TNS3: variants seen among roughly 807,000 people sequenced by gnomAD.
The protein encoded by TNS3 is tensin 3.
In TNS3, 45 loss-of-function variants were observed where a neutral mutation model predicts 140.9. The observed-to-expected ratio is 0.32, with a 90% CI of 0.25 to 0.41. TNS3 has a LOEUF of 0.41. Among genes scored for constraint, TNS3 ranks in the 10% least tolerant of loss-of-function variants. The pLI is 1.00. For synonymous variants in TNS3, 815 were observed against 788.4 expected, an observed-to-expected ratio of 1.03 and a Z score of -0.56; for missense variants, 1,716 against 1,906.7, an observed-to-expected ratio of 0.90 and a Z score of 1.86.
chr7:47,356,460 C>T lies in TNS3; in HGVS notation c.2282-10104G>A, dbSNP rs1160189768. 3.9e-5 allele frequency among the ~76,000 whole-genome samples: 6 copies of T among 152,182 alleles called. No individual in the cohort carries two copies. In the South Asian group the frequency reaches 1.0e-3, roughly 26 times the overall value. ...CCCCACCAGGGCCAACTCAATCTGC[C>T]ACCCTCTGGAGGTAGAAGCAGGTAC... is the stretch of plus-strand genomic sequence containing the variant. On this transcript the variant is annotated intron_variant, in intron 17 of 30. Transcript: ENST00000311160.
In TNS3 at chr7:47,435,424, C is replaced by G. The variant is rs768222529; in HGVS notation, c.202-20G>C. ...CATGATCTGCAACAAGAAAGGGGAG[C>G]TTCCTCGGTTTCCATTTCCTAAAAC... On this transcript the variant is annotated intron_variant, in intron 7 of 30. Transcript: ENST00000311160. 4.3e-6 allele frequency: 7 copies of G among 1,611,772 alleles called. No homozygotes were observed. The highest frequency in any genetic ancestry group is 5.9e-6 in the Non-Finnish European group (7 of 1,179,878).
At chr7:47,444,026 C>T (rs1799381) in intron 4 of TNS3, among the ~76,000 whole-genome samples, 51,618 of 152,124 alleles carry the variant, frequency 0.34, 8,806 homozygotes, top group Non-Finnish European at 0.35. Context: ...ACATCAAAAA[C>T]CCGTTTAGGT....
intron 23 of TNS3, among the ~76,000 whole-genome samples, chr7:47,301,385 A>G (rs1370035025): frequency 6.6e-6 from 1 of 152,104 alleles, no homozygotes; most frequent in Non-Finnish European, 1.5e-5. Flanking sequence ...CACTGCCAAA[A>G]TGAGGTATCC....
At chr7:47,280,071 A>T in intron 30 of TNS3, 93 bp downstream of exon 30, 1 of 1,469,452 alleles carries the variant, frequency 6.8e-7, no homozygotes, top group Non-Finnish European at 9.4e-7. Flanking sequence ...TCATTTTCTT[A>T]TAAGGCACCC....
intron 4 of TNS3, among the ~76,000 whole-genome samples, chr7:47,469,122 A>G (rs1043530028): frequency 1.3e-5 from 2 of 152,270 alleles, no homozygotes; most frequent in South Asian, 2.1e-4. Context: ...GTAAGACCTC[A>G]AACTATAAAA....
intron 4 of TNS3, among the ~76,000 whole-genome samples, chr7:47,460,637 A>C (rs943271628): frequency 6.6e-6 from 1 of 152,238 alleles, no homozygotes; most frequent in Non-Finnish European, 1.5e-5. Flanking sequence ...GCAGCAATAA[A>C]GCAAGGAGTG....
intron 5 of TNS3, among the ~76,000 whole-genome samples, chr7:47,439,879 G>T (rs1795376737): frequency 6.6e-6 from 1 of 152,146 alleles, no homozygotes; most frequent in African/African-American, 2.4e-5. Flanking sequence ...TCCTAGCAGG[G>T]CATGACGGGG....
chr7:47,389,040 A>C (rs1441358888), intron 16 of TNS3, among the ~76,000 whole-genome samples: 1 of 36,716 alleles, frequency 2.7e-5, no homozygotes, highest in African/African-American at 1.3e-4. Flanking sequence ...GAAGAAGAAG[A>C]AGAAGAAGAA....
chr7:47,404,871 G>A (rs139972835), intron 13 of TNS3, among the ~76,000 whole-genome samples: 132 of 151,804 alleles, frequency 8.7e-4, no homozygotes, highest in Middle Eastern at 6.8e-3. Flanking sequence ...GTGACAGAGA[G>A]ACACTCAGTC....
chr7:47,301,892 C>T (rs1786422111), intron 23 of TNS3, among the ~76,000 whole-genome samples: 1 of 152,192 alleles, frequency 6.6e-6, no homozygotes, highest in Non-Finnish European at 1.5e-5. Flanking sequence ...GCATCACTGG[C>T]AAGCCAGTGG....
chr7:47,366,274 C>T (rs1003271852), intron 17 of TNS3, among the ~76,000 whole-genome samples: 3 of 152,236 alleles, frequency 2.0e-5, no homozygotes, highest in African/African-American at 2.4e-5. Context: ...GGTTGCTATA[C>T]GGCTGTATTG....
intron 26 of TNS3, among the ~76,000 whole-genome samples, chr7:47,292,515 A>G (rs184468760): frequency 1.1e-3 from 166 of 152,360 alleles, no homozygotes; most frequent in African/African-American, 3.9e-3. Context: ...CGTAAAAATT[A>G]AATGTCAATG....
intron 1 of TNS3, among the ~76,000 whole-genome samples, chr7:47,577,644 C>T (rs1337085282): frequency 6.6e-6 from 1 of 152,200 alleles, no homozygotes; most frequent in Non-Finnish European, 1.5e-5. Context: ...GCGCTCTCTT[C>T]CAGAAAAGGG....
chr7:47,400,900 G>C lies in TNS3; in HGVS notation c.738C>G (p.His246Gln), dbSNP rs750207879. 3.7e-6 allele frequency: 6 copies of C among 1,614,138 alleles called. No individual in the cohort carries two copies. The African/African-American group carries it at 4.0e-5, about 11-fold the overall frequency. ...CACGGGTGGCCGAGCGGTATTTCTT[G>C]TGGTAGCATTTCACCTGGGTTAGAG... ...LKGDVMVKCY[H>Q]KKYRSATRDV... Residue 246 changes from histidine to glutamine, a missense_variant, in exon 14 of 31, where the codon CAC becomes CAG. Physicochemically the swap from His to Gln is conservative, Grantham distance 24. Coordinates refer to ENST00000311160, the MANE Select transcript of TNS3 (RefSeq NM_022748.12).
intron 1 of TNS3, among the ~76,000 whole-genome samples, chr7:47,558,832 C>T (rs756516912): frequency 2.0e-5 from 3 of 152,174 alleles, no homozygotes; most frequent in Non-Finnish European, 4.4e-5. Flanking sequence ...AGTCCAAGCC[C>T]TCCTTGGTTA....
chr7:47,299,058 C>T lies in TNS3; in HGVS notation c.3545-1845G>A, dbSNP rs1437230401. Among the ~76,000 whole-genome samples, 3 of 152,232 alleles carry T rather than the reference C, an allele frequency of 2.0e-5. No individual in the cohort carries two copies. The East Asian group carries it at 5.8e-4, about 29-fold the overall frequency. On this transcript the variant is annotated intron_variant, in intron 23 of 30. Coordinates refer to ENST00000311160, the MANE Select transcript of TNS3 (RefSeq NM_022748.12). ...GCAGGGCACAGGCCCTGGGAATAAA[C>T]CCTGAATTCTGGTGCACGTTTTCTC...
chr7:47,291,300 C>T (rs1313221551), intron 27 of TNS3, among the ~76,000 whole-genome samples: 2 of 152,146 alleles, frequency 1.3e-5, no homozygotes, highest in Admixed American at 1.3e-4. Context: ...TGCATGACAT[C>T]AAGGTGAACC....
chr7:47,528,382 C>G (rs1799275462), intron 2 of TNS3, among the ~76,000 whole-genome samples: 1 of 152,132 alleles, frequency 6.6e-6, no homozygotes, highest in Non-Finnish European at 1.5e-5. Context: ...GAGGAAATCC[C>G]CAACCCCGCA....
chr7:47,405,783 G>A (rs1307139642), intron 13 of TNS3, among the ~76,000 whole-genome samples: 1 of 152,140 alleles, frequency 6.6e-6, no homozygotes. Context: ...TTATGTAAGT[G>A]CCCTCGGTAA....
Sources: gnomAD v4.1 joint callset for allele counts (sites outside exome capture counted in the v4.1 genomes callset) on GRCh38, gnomAD v4.1.1 for gene constraint, MANE v1.5 for transcripts, NCBI Gene and HGNC (gene_info 2026-07-23, HGNC 2026-07-21) for gene names.